Variants in PLPPR1 observed in about 807,000 individuals in gnomAD.
PLPPR1 encodes the protein phospholipid phosphatase-related protein type 1.
Under a neutral mutation model 33.1 loss-of-function variants are expected in PLPPR1, and 10 were observed. The observed-to-expected ratio is 0.30, with a 90% CI of 0.19 to 0.51. The LOEUF (loss-of-function observed/expected upper bound fraction) is 0.51. Among genes scored for constraint, PLPPR1 ranks in the 20% least tolerant of loss-of-function variants. The pLI, the probability that PLPPR1 is intolerant of heterozygous loss-of-function variation, is 0.97. For synonymous variants in PLPPR1, 151 were observed against 151.0 expected (o/e 1.00, Z 0.00); for missense variants, 304 against 408.1 (o/e 0.74, Z 2.20).
intron 7 of PLPPR1, among the ~76,000 whole-genome samples, chr9:101,320,660 T>C (rs931578512): frequency 5.3e-5 from 8 of 152,218 alleles, no homozygotes; most frequent in Non-Finnish European, 1.0e-4. Context: ...ACCAAGCATC[T>C]GTTTTTAGTA....
intron 3 of PLPPR1, among the ~76,000 whole-genome samples, chr9:101,281,908 T>C (rs1416147922): frequency 6.6e-6 from 1 of 152,040 alleles, no homozygotes; most frequent in Non-Finnish European, 1.5e-5. Flanking sequence ...CCAAACAAAC[T>C]AGGTGATTGA....
intron 1 of PLPPR1, among the ~76,000 whole-genome samples, chr9:101,107,675 A>G (rs1830990791): frequency 1.1e-5 from 1 of 87,968 alleles, no homozygotes; most frequent in Non-Finnish European, 2.2e-5. Context: ...GGTGGGCTCC[A>G]CCCAGTTCGA....
At chr9:101,288,558 T>TA (rs1177175392) in intron 4 of PLPPR1, among the ~76,000 whole-genome samples, 2 of 147,588 alleles carry the variant, frequency 1.4e-5, no homozygotes, top group South Asian at 2.2e-4. Context: ...CTGGGTTTAG[T>TA]AAAAAAATAA....
At chr9:101,297,932 T>C (rs1361612) in intron 4 of PLPPR1, among the ~76,000 whole-genome samples, 7,368 of 152,194 alleles carry the variant, frequency 0.048, 548 homozygotes, top group African/African-American at 0.16. Flanking sequence ...GGAAGTTACA[T>C]TTTCCAAAAA....
At chr9:101,147,848 C>T (rs957365676) in intron 1 of PLPPR1, among the ~76,000 whole-genome samples, 8 of 152,174 alleles carry the variant, frequency 5.3e-5, no homozygotes, top group African/African-American at 1.9e-4. Context: ...CCTAATGTCA[C>T]TTAGTAAGTG....
At chr9:101,073,071 C>T (rs954986095) in intron 1 of PLPPR1, among the ~76,000 whole-genome samples, 2 of 152,194 alleles carry the variant, frequency 1.3e-5, no homozygotes, top group African/African-American at 4.8e-5. Flanking sequence ...TATTATTATG[C>T]AGATAAAACA....
intron 7 of PLPPR1, among the ~76,000 whole-genome samples, chr9:101,319,693 C>A (rs1236179036): frequency 2.0e-5 from 3 of 152,098 alleles, no homozygotes; most frequent in African/African-American, 7.2e-5. Flanking sequence ...AATAGCGATA[C>A]CCTGTAATGA....
intron 1 of PLPPR1, among the ~76,000 whole-genome samples, chr9:101,138,468 G>A (rs1453911942): frequency 1.1e-4 from 16 of 152,178 alleles, no homozygotes; most frequent in Admixed American, 1.0e-3. Context: ...GCTGGGTGCT[G>A]TACTAAATGC....
chr9:101,142,418 A>T (rs552367950), intron 1 of PLPPR1, among the ~76,000 whole-genome samples: 1 of 152,246 alleles, frequency 6.6e-6, no homozygotes, highest in African/African-American at 2.4e-5. Context: ...ATGTGGCCTG[A>T]CCCCACATGC....
chr9:101,309,517 C>T (rs1278006738), intron 5 of PLPPR1, 56 bp downstream of exon 5: 24 of 1,569,180 alleles, frequency 1.5e-5, no homozygotes, highest in Non-Finnish European at 2.1e-5. Context: ...ATGTGTGTCT[C>T]CCTGCCCTGT....
At chr9:101,229,104 G>A (rs1827131636) in intron 2 of PLPPR1, among the ~76,000 whole-genome samples, 2 of 152,130 alleles carry the variant, frequency 1.3e-5, no homozygotes. Flanking sequence ...CTGGAAGTTT[G>A]TCTTGCTTGT....
intron 2 of PLPPR1, among the ~76,000 whole-genome samples, chr9:101,200,215 G>C (rs1826468844): frequency 6.6e-6 from 1 of 152,182 alleles, no homozygotes; most frequent in Non-Finnish European, 1.5e-5. Flanking sequence ...TCCTCAGTGG[G>C]ACAATTCACA....
intron 2 of PLPPR1, among the ~76,000 whole-genome samples, chr9:101,196,370 CT>C (rs557159556): frequency 5.1e-4 from 78 of 152,222 alleles, no homozygotes; most frequent in Non-Finnish European, 7.8e-4. Context: ...ACTTTGTATT[CT>C]TTTTAGACCC....
At chr9:101,304,418 G>C (rs1828810244) in intron 4 of PLPPR1, among the ~76,000 whole-genome samples, 1 of 152,154 alleles carries the variant, frequency 6.6e-6, no homozygotes, top group African/African-American at 2.4e-5. Flanking sequence ...TAGGTGCTGG[G>C]AATACAATGA....
intron 4 of PLPPR1, among the ~76,000 whole-genome samples, chr9:101,299,609 A>C (rs974014834): frequency 1.4e-5 from 2 of 146,196 alleles, no homozygotes; most frequent in Non-Finnish European, 3.0e-5. Context: ...GAGTCATATG[A>C]GACTAGTGAT....
At chr9:101,321,191 G>A (rs1469290312) in intron 7 of PLPPR1, among the ~76,000 whole-genome samples, 2 of 152,060 alleles carry the variant, frequency 1.3e-5, no homozygotes, top group Admixed American at 6.6e-5. Flanking sequence ...GCACACATTC[G>A]TACACATGAA....
At chr9:101,189,523 GA>G (rs1242358464) in intron 2 of PLPPR1, among the ~76,000 whole-genome samples, 1 of 152,054 alleles carries the variant, frequency 6.6e-6, no homozygotes, top group East Asian at 1.9e-4. Flanking sequence ...ACTTTGTCAT[GA>G]GTTGGGGGGT....
chr9:101,233,118 T>C (rs1249850301), intron 2 of PLPPR1, among the ~76,000 whole-genome samples: 3 of 151,986 alleles, frequency 2.0e-5, no homozygotes, highest in Non-Finnish European at 4.4e-5. Context: ...GACATTTAGA[T>C]TAAGCCCAGA....
chr9:101,266,342 G>A (rs1243250790), intron 2 of PLPPR1, among the ~76,000 whole-genome samples: 3 of 148,634 alleles, frequency 2.0e-5, no homozygotes, highest in Non-Finnish European at 4.4e-5. Flanking sequence ...GTTGCAGTGA[G>A]CCGAGATCCT....
Sources: allele counts gnomAD v4.1 joint callset (sites outside exome capture counted in the v4.1 genomes callset), GRCh38; gene constraint gnomAD v4.1.1; transcripts MANE v1.5; gene names NCBI Gene and HGNC (gene_info 2026-07-23, HGNC 2026-07-21).